Variants in ENOX1 observed in about 807,000 individuals in gnomAD.
ENOX1 encodes ecto-NOX disulfide-thiol exchanger 1, also known as candidate growth-related and time keeping constitutive hydroquinone (NADH) oxidase.
In ENOX1, 42 loss-of-function variants were observed where a neutral mutation model predicts 82.5. The observed-to-expected ratio is 0.51, with a 90% confidence interval of 0.40 to 0.66. The LOEUF (loss-of-function observed/expected upper bound fraction) is 0.66. Ranked by LOEUF, ENOX1 falls within the 30% of genes least tolerant of loss-of-function variation. The pLI is 0.00. For synonymous variants in ENOX1, 271 were observed against 282.2 expected (o/e 0.96, Z 0.40); for missense variants, 608 against 811.6 (o/e 0.75, Z 3.05).
At chr13:43,260,145 T>C (rs2043974147) in intron 14 of ENOX1, among the ~76,000 whole-genome samples, 1 of 152,212 alleles carries the variant, frequency 6.6e-6, no homozygotes, top group African/African-American at 2.4e-5. Flanking sequence ...TGCTGTGCTG[T>C]ACTAAACTTG....
At chr13:43,513,879 A>G (rs2077463800) in intron 2 of ENOX1, among the ~76,000 whole-genome samples, 1 of 152,168 alleles carries the variant, frequency 6.6e-6, no homozygotes, top group Non-Finnish European at 1.5e-5. Flanking sequence ...AAATATAAGG[A>G]TCTCAAAACT....
intron 2 of ENOX1, among the ~76,000 whole-genome samples, chr13:43,598,010 C>G (rs1272700190): frequency 6.6e-6 from 1 of 152,112 alleles, no homozygotes; most frequent in African/African-American, 2.4e-5. Context: ...CCTTCCCTGC[C>G]TCATCACTCT....
chr13:43,392,383 TA>T (rs1284936247), intron 5 of ENOX1, among the ~76,000 whole-genome samples: 3 of 152,048 alleles, frequency 2.0e-5, no homozygotes, highest in Non-Finnish European at 4.4e-5. Flanking sequence ...ACTATGACAT[TA>T]AAACTAGTAT....
intron 2 of ENOX1, among the ~76,000 whole-genome samples, chr13:43,540,890 C>A (rs1212960381): frequency 6.6e-6 from 1 of 152,092 alleles, no homozygotes; most frequent in African/African-American, 2.4e-5. Context: ...TGAGATGCCT[C>A]TGAGGGTGGA....
intron 1 of ENOX1, among the ~76,000 whole-genome samples, chr13:43,739,524 G>C (rs2153825979): frequency 6.6e-6 from 1 of 151,814 alleles, no homozygotes; most frequent in East Asian, 1.9e-4. Context: ...ACTCCAGCCT[G>C]GGCAACCAGA....
intron 12 of ENOX1, among the ~76,000 whole-genome samples, chr13:43,280,025 G>A (rs370556521): frequency 2.4e-3 from 361 of 152,326 alleles, no homozygotes; most frequent in African/African-American, 8.4e-3. Flanking sequence ...AATCCAATTT[G>A]CTTGGATTTA....
chr13:43,304,815 CTTTA>C (rs1566467083), intron 11 of ENOX1, among the ~76,000 whole-genome samples: 1 of 152,328 alleles, frequency 6.6e-6, no homozygotes, highest in East Asian at 1.9e-4. Context: ...GCTAATAATG[CTTTA>C]TTGAGAGAGT....
At position 43,518,675 on chromosome 13, in the gene ENOX1, T is replaced by A. The variant is rs151178752; in HGVS notation, c.-218-34523A>T. ...CAAATCTTAAACTCCATTTAACCATTGTAAAAAAAAATACATTTCTAAGTC... is the reference window on the plus strand; with the variant it reads ...CAAATCTTAAACTCCATTTAACCATAGTAAAAAAAAATACATTTCTAAGTC... On this transcript the variant is annotated intron_variant, in intron 2 of 16. Transcript: ENST00000690772. Among the ~76,000 whole-genome samples, 246 of 152,116 alleles carry A rather than the reference T, an allele frequency of 1.6e-3. 5 individuals are homozygous for A. In the East Asian group the frequency reaches 0.037, roughly 23 times the overall value.
At chr13:43,372,524 G>C (rs761773248) in intron 5 of ENOX1, among the ~76,000 whole-genome samples, 4 of 152,120 alleles carry the variant, frequency 2.6e-5, no homozygotes, top group Non-Finnish European at 4.4e-5. Context: ...GGGAGTGCTT[G>C]AAAAATTCAG....
intron 3 of ENOX1, among the ~76,000 whole-genome samples, chr13:43,414,707 T>G (rs9567177): frequency 0.16 from 24,175 of 152,154 alleles, 2,460 homozygotes; most frequent in African/African-American, 0.28. Flanking sequence ...CTGTTTCAGA[T>G]CTTTGCAACG....
intron 1 of ENOX1, among the ~76,000 whole-genome samples, chr13:43,739,191 G>T (rs766297707): frequency 1.3e-5 from 2 of 152,066 alleles, no homozygotes; most frequent in Non-Finnish European, 2.9e-5. Flanking sequence ...GGGACATACT[G>T]GTGAACAATA....
At chr13:43,675,027 A>G (rs1269849329) in intron 1 of ENOX1, among the ~76,000 whole-genome samples, 1 of 152,210 alleles carries the variant, frequency 6.6e-6, no homozygotes, top group Non-Finnish European at 1.5e-5. Context: ...TAAGCCTGGC[A>G]GGTCACGTTT....
intron 5 of ENOX1, among the ~76,000 whole-genome samples, chr13:43,377,373 C>T (rs2051712706): frequency 6.6e-6 from 1 of 152,214 alleles, no homozygotes; most frequent in Non-Finnish European, 1.5e-5. Context: ...TTGGACTTCC[C>T]AATCTCTAGA....
At chr13:43,291,116 G>A (rs2045975514) in intron 12 of ENOX1, among the ~76,000 whole-genome samples, 1 of 152,142 alleles carries the variant, frequency 6.6e-6, no homozygotes, top group Admixed American at 6.5e-5. Flanking sequence ...TCTTTTAAAG[G>A]GGTTTCTCTT....
At chr13:43,590,524 C>T (rs2011293) in intron 2 of ENOX1, among the ~76,000 whole-genome samples, 75,905 of 151,962 alleles carry the variant, frequency 0.5, 23,514 homozygotes, top group Non-Finnish European at 0.7. Flanking sequence ...CCTGTAACCT[C>T]AGCACTTTGG....
intron 1 of ENOX1, among the ~76,000 whole-genome samples, chr13:43,679,429 G>T (rs947689866): frequency 6.6e-6 from 1 of 152,128 alleles, no homozygotes; most frequent in Non-Finnish European, 1.5e-5. Context: ...CTTCAAGGAG[G>T]GACCCTAGTC....
intron 2 of ENOX1, among the ~76,000 whole-genome samples, chr13:43,579,422 T>C (rs1291881722): frequency 6.6e-6 from 1 of 152,224 alleles, no homozygotes; most frequent in Non-Finnish European, 1.5e-5. Context: ...TAAGCTCCCA[T>C]TGTGAACTGA....
chr13:43,396,487 C>T (rs2053159384), intron 5 of ENOX1, among the ~76,000 whole-genome samples: 1 of 152,180 alleles, frequency 6.6e-6, no homozygotes, highest in Non-Finnish European at 1.5e-5. Context: ...TCAAGTGATT[C>T]TCCTGTGTCA....
At chr13:43,507,293 T>C (rs2077208245) in intron 2 of ENOX1, among the ~76,000 whole-genome samples, 1 of 151,724 alleles carries the variant, frequency 6.6e-6, no homozygotes, top group African/African-American at 2.4e-5. Flanking sequence ...TTTCCACAAG[T>C]GAAGGTCAGG....
Sources: gnomAD v4.1 joint callset for allele counts (sites outside exome capture counted in the v4.1 genomes callset) on GRCh38, gnomAD v4.1.1 for gene constraint, MANE v1.5 for transcripts, NCBI Gene and HGNC (gene_info 2026-07-23, HGNC 2026-07-21) for gene names.